The following DCBLD2 variants were observed in gnomAD, a reference collection of about 807,000 sequenced individuals.
DCBLD2 encodes the protein discoidin, CUB and LCCL domain-containing protein 2.
Under a neutral mutation model 86.8 loss-of-function variants are expected in DCBLD2, and 54 were observed. The observed-to-expected ratio is 0.62, with a 90% CI of 0.50 to 0.78. DCBLD2 has a LOEUF of 0.78. Among genes scored for constraint, DCBLD2 ranks in the 30% least tolerant of loss-of-function variants. The probability of loss-of-function intolerance (pLI) is 0.00; values close to 1 mark genes in which losing one functional copy is unlikely to be tolerated. For synonymous variants in DCBLD2, 354 were observed against 341.3 expected, an observed-to-expected ratio of 1.04 and a Z score of -0.41; for missense variants, 908 against 954.2, an observed-to-expected ratio of 0.95 and a Z score of 0.64.
intron 4 of DCBLD2, among the ~76,000 whole-genome samples, chr3:98,824,391 C>T (rs763034460): frequency 1.2e-4 from 18 of 152,022 alleles, no homozygotes; most frequent in African/African-American, 3.4e-4. Flanking sequence ...GAGAGTGGCG[C>T]GAGCGCAGCT....
At chr3:98,843,428 T>C (rs1031419460) in intron 3 of DCBLD2, among the ~76,000 whole-genome samples, 1 of 152,282 alleles carries the variant, frequency 6.6e-6, no homozygotes, top group East Asian at 1.9e-4. Context: ...ATAAAATTAC[T>C]GTACGGTTAA....
intron 13 of DCBLD2, among the ~76,000 whole-genome samples, chr3:98,805,364 A>C (rs971836320): frequency 6.6e-6 from 1 of 152,196 alleles, no homozygotes; most frequent in African/African-American, 2.4e-5. Flanking sequence ...TGATTTAGAA[A>C]TAAAAAAATA....
At chr3:98,844,963 T>C (rs976594769) in intron 3 of DCBLD2, among the ~76,000 whole-genome samples, 2 of 152,250 alleles carry the variant, frequency 1.3e-5, no homozygotes, top group African/African-American at 4.8e-5. Context: ...TGGTTGTTTG[T>C]ATAAGGAAGT....
chr3:98,893,569 G>A (rs1438199305), intron 1 of DCBLD2, among the ~76,000 whole-genome samples: 3 of 152,124 alleles, frequency 2.0e-5, no homozygotes, highest in African/African-American at 7.2e-5. Context: ...AATATCTGCT[G>A]TGTGCCAGTC....
intron 2 of DCBLD2, among the ~76,000 whole-genome samples, 197 bp from the exon 3 acceptor site, chr3:98,849,795 T>TC (rs1045133872): frequency 1.3e-5 from 2 of 152,128 alleles, no homozygotes; most frequent in African/African-American, 4.8e-5. Context: ...TTCAAATGAT[T>TC]CAAAAGGAAA....
rs752370838 is a variant in DCBLD2 at position 98,901,187 on chromosome 3, A to G, written c.140T>C (p.Met47Thr). 1.3e-6 allele frequency: 2 copies of G among 1,537,336 alleles called. No homozygotes were observed. The highest frequency in any genetic ancestry group is 1.2e-5 in the South Asian group (1 of 84,024). Residue 47 changes from methionine (M) to threonine (T), a missense_variant, in exon 1 of 16, where the codon ATG (methionine) becomes ACG (threonine). This residue lies in a region of DCBLD2 where 294 missense variants were observed against 256.0 expected (regional missense o/e 1.15). Coordinates refer to ENST00000326840, the MANE Select transcript of DCBLD2 (RefSeq NM_080927.4). ...AAGTAAGAGCAGGAGGAACAGAGGC[A>G]TGGAGAAGGAGGAGGAGTTGGAGCA... The part of the protein sequence containing the change: ...PPCSNSSSFS[M>T]PLFLLLLLVL...
chr3:98,825,570 T>C (rs1252494604), intron 3 of DCBLD2, among the ~76,000 whole-genome samples: 2 of 148,858 alleles, frequency 1.3e-5, no homozygotes, highest in African/African-American at 4.9e-5. Flanking sequence ...TGGAGCAATG[T>C]CCCCTCAATA....
At chr3:98,851,118 T>G (rs891685846) in intron 2 of DCBLD2, among the ~76,000 whole-genome samples, 1 of 152,074 alleles carries the variant, frequency 6.6e-6, no homozygotes, top group African/African-American at 2.4e-5. Context: ...GAGAAAGAAA[T>G]AAAGGGTATT....
chr3:98,859,941 G>A (rs1195385005), intron 2 of DCBLD2, among the ~76,000 whole-genome samples: 1 of 152,220 alleles, frequency 6.6e-6, no homozygotes. Flanking sequence ...AAAGGAAGAA[G>A]TTTGAACACA....
At chr3:98,815,756 A>G (rs1211168755) in intron 9 of DCBLD2, 1 of 152,210 alleles carries the variant, frequency 6.6e-6, no homozygotes, top group Non-Finnish European at 1.5e-5. Context: ...ACAGTATCAG[A>G]GATAAAAATA....
intron 1 of DCBLD2, chr3:98,895,358 TAACC>T (rs758339939): frequency 2.6e-5 from 4 of 152,168 alleles, no homozygotes; most frequent in Admixed American, 6.5e-5. Flanking sequence ...TGGCCCACAG[TAACC>T]AACCAACGTT....
intron 2 of DCBLD2, among the ~76,000 whole-genome samples, chr3:98,850,055 T>C (rs751687757): frequency 1.3e-5 from 2 of 152,226 alleles, no homozygotes; most frequent in African/African-American, 2.4e-5. Flanking sequence ...CTGAGGGTTG[T>C]TGGATTTCTA....
At chr3:98,867,089 A>T (rs184176822) in intron 2 of DCBLD2, among the ~76,000 whole-genome samples, 2 of 152,282 alleles carry the variant, frequency 1.3e-5, no homozygotes, top group African/African-American at 4.8e-5. Context: ...TCCCAGTACC[A>T]TGCTGTTTTG....
At chr3:98,844,451 G>A (rs889196825) in intron 3 of DCBLD2, among the ~76,000 whole-genome samples, 3 of 151,430 alleles carry the variant, frequency 2.0e-5, no homozygotes, top group South Asian at 2.1e-4. Flanking sequence ...TTCGCCTCCC[G>A]GGTACAAACA....
chr3:98,862,312 C>G (rs1413894969), intron 2 of DCBLD2, among the ~76,000 whole-genome samples: 1 of 152,212 alleles, frequency 6.6e-6, no homozygotes, highest in Non-Finnish European at 1.5e-5. Context: ...TGGTACCATT[C>G]TTTCTGAAAG....
At chr3:98,833,757 A>G (rs952913280) in intron 3 of DCBLD2, among the ~76,000 whole-genome samples, 6 of 152,166 alleles carry the variant, frequency 3.9e-5, no homozygotes, top group Non-Finnish European at 8.8e-5. Flanking sequence ...CTTCAGTCCC[A>G]TGGACTCTCC....
Position 98,834,751 on chromosome 3 carries a change from A to T in DCBLD2, c.572-9385T>A, listed in dbSNP as rs530025153. ...TTTAGCTATTGTGAATAGTGCTGCG[A>T]TAAAGATGGGAGTGCAGATATCTTT... On this transcript the variant is annotated intron_variant, in intron 3 of 15. Transcript: ENST00000326840. 5.3e-5 allele frequency among the ~76,000 whole-genome samples: 8 copies of T among 152,318 alleles called. No homozygotes were observed. The South Asian group carries it at 1.5e-3, about 28-fold the overall frequency.
intron 12 of DCBLD2, 38 bp downstream of exon 12, chr3:98,811,156 A>C (rs1418894969): frequency 2.6e-6 from 4 of 1,544,642 alleles, no homozygotes; most frequent in Non-Finnish European, 3.5e-6. Context: ...GAACAAAACA[A>C]TACTATGTAC....
At position 98,817,862 on chromosome 3, in the gene DCBLD2, C is replaced by T. The variant is rs1262173179; in HGVS notation, c.1119G>A (p.Glu373=). The change falls in exon 9 of 16, where the codon GAG becomes GAA. Residue 373 remains glutamate, a synonymous_variant. Transcript: ENST00000326840. ...TGTAGGCAGACACATAGTAATTGTG[C>T]TCCACCATGGTGGATCCAGTGGTTA... ...GIITTGSTMV[E]HNYYVSAYRI... 1.9e-6 allele frequency: 3 copies of T among 1,613,598 alleles called. No individual in the cohort carries two copies. In the East Asian group the frequency reaches 6.7e-5, roughly 36 times the overall value.
Sources: gnomAD v4.1 joint callset for allele counts (sites outside exome capture counted in the v4.1 genomes callset) on GRCh38, gnomAD v4.1.1 for gene constraint, gnomAD v4.1.1 regional missense constraint, MANE v1.5 for transcripts, NCBI Gene and HGNC (gene_info 2026-07-23, HGNC 2026-07-21) for gene names.